HTATSF1: variants seen among roughly 807,000 people sequenced by gnomAD.
HTATSF1 encodes 17S U2 SnRNP complex component HTATSF1.
HTATSF1 carries 6 observed loss-of-function variants against 46.1 expected under a neutral mutation model. The ratio of observed to expected loss-of-function variants is 0.13; its 90% CI spans 0.07 to 0.26. HTATSF1 has a LOEUF of 0.26. Among genes scored for constraint, HTATSF1 ranks in the 10% least tolerant of loss-of-function variants. The pLI is 1.00. For missense variants in HTATSF1, 452 were observed against 559.9 expected, an observed-to-expected ratio of 0.81 and a Z score of 1.94; for synonymous variants, 226 against 211.5, an observed-to-expected ratio of 1.07 and a Z score of -0.60.
At chrX:136,507,943 G>GT (rs1208931866) in intron 6 of HTATSF1, among the ~76,000 whole-genome samples, 26 of 111,928 alleles carry the variant, frequency 2.3e-4, no homozygotes, top group Admixed American at 1.7e-3. Flanking sequence ...TTCTTCTCAG[G>GT]TCTGATCATT....
chrX:136,509,945 G>C (rs907901932), intron 7 of HTATSF1, 137 bp from the exon 8 acceptor site: 7 of 533,094 alleles, frequency 1.3e-5, no homozygotes, highest in Non-Finnish European at 2.0e-5. Flanking sequence ...GGATAAAATG[G>C]AAGAAAGACT....
Position 136,511,107 on chromosome X carries a change from C to T in HTATSF1, c.1362C>T (p.Pro454=), listed in dbSNP as rs150195835. The T allele has an allele frequency of 9.1e-6, 11 of 1,208,618 alleles. No individual in the cohort carries two copies. The highest frequency in any genetic ancestry group is 1.8e-5 in the African/African-American group (1 of 56,817). ...ASENNAKESS[P]EKEAEEGCPE... is the part of the protein sequence containing the mutation. Reference sequence around the variant, plus strand: ...AAAACAATGCTAAGGAAAGTAGCCCCGAAAAAGAGGCTGAAGAAGGCTGCC... The same window carrying T: ...AAAACAATGCTAAGGAAAGTAGCCCTGAAAAAGAGGCTGAAGAAGGCTGCC... The change falls in exon 9 of 9, where the codon CCC becomes CCT. Residue 454 remains proline, a synonymous_variant. Coordinates refer to ENST00000218364, the MANE Select transcript of HTATSF1 (RefSeq NM_014500.5).
At position 136,511,117 on chromosome X, in the gene HTATSF1, G is replaced by T; in HGVS notation, c.1372G>T (p.Ala458Ser). Residue 458 changes from alanine (A) to serine (S), a missense_variant, in exon 9 of 9, where the codon GCT becomes TCT. Ala to Ser is a moderately conservative substitution (Grantham distance 99). Transcript: ENST00000218364. ...TAAGGAAAGTAGCCCCGAAAAAGAG[G>T]CTGAAGAAGGCTGCCCTGAAAAAGA... ...NAKESSPEKEAEEGCPEKESE... is the reference protein window; with the variant it reads ...NAKESSPEKESEEGCPEKESE... 8.3e-7 allele frequency: 1 copy of T among 1,210,447 alleles called. No homozygotes were observed. The highest frequency in any genetic ancestry group is 1.1e-6 in the Non-Finnish European group (1 of 895,211).
At chrX:136,509,414 G>A (rs989611413) in intron 7 of HTATSF1, among the ~76,000 whole-genome samples, 8 of 111,912 alleles carry the variant, frequency 7.1e-5, no homozygotes, top group Admixed American at 5.7e-4. Context: ...TAGAGTACAT[G>A]ATCAGGTGAA....
At chrX:136,503,009 T>A in intron 5 of HTATSF1, 68 bp downstream of exon 5, 2 of 739,453 alleles carry the variant, frequency 2.7e-6, no homozygotes, top group Non-Finnish European at 3.7e-6. Context: ...AATAGCCATC[T>A]AGTTTTATTC....
chrX:136,501,011 A>T (rs911462850), intron 4 of HTATSF1, among the ~76,000 whole-genome samples, 193 bp downstream of exon 4: 1 of 112,623 alleles, frequency 8.9e-6, no homozygotes, highest in Non-Finnish European at 1.9e-5. Context: ...ATATGTTATC[A>T]GGTAAAAGTA....
In HTATSF1 at chrX:136,511,088, A is replaced by G. The variant is rs777936651; in HGVS notation, c.1343A>G (p.Asn448Ser). The change falls in exon 9 of 9, where the codon AAT becomes AGT. Residue 448 changes from asparagine to serine, a missense_variant. Physicochemically the swap from Asn to Ser is conservative, Grantham distance 46. This residue lies in a region of HTATSF1 where 246 missense variants were observed against 245.3 expected (regional missense o/e 1.00). Transcript: ENST00000218364. ...TTTGAAGAAGGTGCTTCTGAAAACA[A>G]TGCTAAGGAAAGTAGCCCCGAAAAA... Reference protein sequence around the residue: ...GEFEEGASENNAKESSPEKEA... With the variant: ...GEFEEGASENSAKESSPEKEA... 5.8e-6 allele frequency: 7 copies of G among 1,211,556 alleles called. No individual in the cohort carries two copies. The South Asian group carries it at 7.0e-5, about 12-fold the overall frequency.
intron 4 of HTATSF1, among the ~76,000 whole-genome samples, chrX:136,501,600 C>T (rs1046491192): frequency 8.9e-6 from 1 of 112,048 alleles, no homozygotes; most frequent in African/African-American, 3.2e-5. Flanking sequence ...GGGTACAGAA[C>T]AAATGATGAC....
chrX:136,510,935 C>G lies in HTATSF1; in HGVS notation c.1190C>G (p.Ser397Cys). 8.3e-7 allele frequency: 1 copy of G among 1,211,607 alleles called. No homozygotes were observed. Among genetic ancestry groups the G allele is most frequent in the Non-Finnish European group, 1.1e-6 (1 of 895,416 alleles). ...TCTGCTTCCGAAAGGGCAGGGCCTTCTAGAGCAAGGCATTTTTCAGAGCAC... is the reference window on the plus strand; with the variant it reads ...TCTGCTTCCGAAAGGGCAGGGCCTTGTAGAGCAAGGCATTTTTCAGAGCAC... ...SVSASERAGPSRARHFSEHPS... is the reference protein window; with the variant it reads ...SVSASERAGPCRARHFSEHPS... The change falls in exon 9 of 9, where the codon TCT becomes TGT. Residue 397 changes from serine (S) to cysteine (C), a missense_variant. Around this residue, in one of 3 missense-constraint regions of HTATSF1, gnomAD observed 117 missense variants for 222.2 expected, o/e 0.53. Transcript: ENST00000218364.
chrX:136,499,833 C>T, intron 2 of HTATSF1, 55 bp downstream of exon 2: 3 of 929,152 alleles, frequency 3.2e-6, no homozygotes, highest in Non-Finnish European at 4.4e-6. Context: ...TATGGGTGTG[C>T]ATAGGTACAG....
At position 136,503,391 on chromosome X, in the gene HTATSF1, T is replaced by C. The variant is rs940208295; in HGVS notation, c.734+450T>C. Reference sequence around the variant, plus strand: ...ATACATAATGTCATCAAGTTTCTATTATTATTCTGTTTGTTTAATATACTT... The same window carrying C: ...ATACATAATGTCATCAAGTTTCTATCATTATTCTGTTTGTTTAATATACTT... On this transcript the variant is annotated intron_variant, in intron 5 of 8. Coordinates refer to ENST00000218364, the MANE Select transcript of HTATSF1 (RefSeq NM_014500.5). 3.6e-5 allele frequency among the ~76,000 whole-genome samples: 4 copies of C among 112,347 alleles called. No individual in the cohort carries two copies. The Admixed American group carries it at 3.8e-4, about 11-fold the overall frequency.
At position 136,502,905 on chromosome X, in the gene HTATSF1, G is replaced by A; in HGVS notation, c.698G>A (p.Cys233Tyr). The A allele has an allele frequency of 1.7e-6, 2 of 1,146,134 alleles. No homozygotes were observed. The highest frequency in any genetic ancestry group is 2.3e-6 in the Non-Finnish European group (2 of 860,610). 94.5% of individuals were successfully genotyped at this position (1,146,134 alleles called of 1,213,427 possible). Reference protein sequence around the residue: ...EYDASKKKKKCKDYKKKLSMQ... With the variant: ...EYDASKKKKKYKDYKKKLSMQ... ...GATGCCTCAAAGAAGAAGAAGAAGT[G>A]CAAAGACTATAAGAAGAAGCTGTCT... The change falls in exon 5 of 9, where the codon TGC (cysteine) becomes TAC (tyrosine). Residue 233 changes from cysteine (C) to tyrosine (Y), a missense_variant. Cys to Tyr is a radical substitution (Grantham distance 194). Transcript: ENST00000218364.
intron 7 of HTATSF1, 26 bp from the exon 8 acceptor site, chrX:136,510,056 C>CTTTTTTTTTTTTT: frequency 8.5e-7 from 1 of 1,172,845 alleles, no homozygotes; most frequent in Non-Finnish European, 1.1e-6. Context: ...TCATTCATTC[C>CTTTTTTTTTTTTT]TTTTTTTTCT....
At chrX:136,506,409 A>G (rs960980066) in intron 6 of HTATSF1, among the ~76,000 whole-genome samples, 3 of 111,445 alleles carry the variant, frequency 2.7e-5, no homozygotes, top group Non-Finnish European at 5.6e-5. Context: ...TGACTCGTCT[A>G]CTAGAATGTG....
At chrX:136,497,305 G>T, upstream of HTATSF1, 1 of 114,405 alleles carries the variant, frequency 8.7e-6, no homozygotes, top group South Asian at 2.8e-4. Flanking sequence ...GTAATTTCCT[G>T]ACGTTGCCGA....
intron 1 of HTATSF1, among the ~76,000 whole-genome samples, chrX:136,498,667 C>G: frequency 8.9e-6 from 1 of 112,373 alleles, no homozygotes. Flanking sequence ...ACTTTTCTTT[C>G]CCATTCTGTA....
At chrX:136,508,986 CA>C (rs2075755400) in intron 6 of HTATSF1, 104 bp from the exon 7 acceptor site, 1 of 595,321 alleles carries the variant, frequency 1.7e-6, no homozygotes. Flanking sequence ...CAACCTTAAG[CA>C]AAACCTTTTT....
rs2075755575 is a variant in HTATSF1, at chrX:136,509,021, A to G, written c.835-70A>G. 24 of 749,154 alleles carry G rather than the reference A, an allele frequency of 3.2e-5. No homozygotes were observed. In the South Asian group the frequency reaches 5.3e-4, roughly 16 times the overall value. 61.7% of individuals were successfully genotyped at this position (749,154 alleles called of 1,213,427 possible). Reference sequence around the variant, plus strand: ...TTCTGTTTGTTGATTTATCAGAACAAGAAATTGGATTCTCAGGATTTATAG... The same window carrying G: ...TTCTGTTTGTTGATTTATCAGAACAGGAAATTGGATTCTCAGGATTTATAG... On this transcript the variant is annotated intron_variant, in intron 6 of 8. Transcript: ENST00000218364.
chrX:136,501,476 A>G (rs1035993419), intron 4 of HTATSF1, among the ~76,000 whole-genome samples: 6 of 112,736 alleles, frequency 5.3e-5, no homozygotes, highest in Non-Finnish European at 1.1e-4. Flanking sequence ...AGAAATTTGC[A>G]GAACTTCATG....
Sources: gnomAD v4.1 joint callset for allele counts (sites outside exome capture counted in the v4.1 genomes callset) on GRCh38, gnomAD v4.1.1 for gene constraint, gnomAD v4.1.1 regional missense constraint, MANE v1.5 for transcripts, NCBI Gene and HGNC (gene_info 2026-07-23, HGNC 2026-07-21) for gene names.